Variants in HIVEP3 observed in about 807,000 individuals in gnomAD.
HIVEP3 encodes transcription factor HIVEP3.
A neutral mutation model predicts 152.8 loss-of-function variants in HIVEP3; 49 were observed. That is an observed-to-expected ratio of 0.32 (90% CI 0.26 to 0.41). The LOEUF is 0.41. HIVEP3 is among the 10% of genes least tolerant of loss of function. HIVEP3 has a pLI of 1.00. For synonymous variants in HIVEP3, 1,269 were observed against 1,289.0 expected, an observed-to-expected ratio of 0.98 and a Z score of 0.33; for missense variants, 2,790 against 3,103.3, an observed-to-expected ratio of 0.90 and a Z score of 2.40.
chr1:41,729,229 C>T lies in HIVEP3; in HGVS notation c.-800-28234G>A, dbSNP rs75503241. ...CCAGTGCACAGGGGTGATCAGTAAC[C>T]GGCAGCCCCTTTCCCTGCCTTTCCC... On this transcript the variant is annotated intron_variant, in intron 1 of 8. Coordinates refer to ENST00000372583, the MANE Select transcript of HIVEP3 (RefSeq NM_024503.5). Among the ~76,000 whole-genome samples the T allele has an allele frequency of 3.6e-3, 543 of 152,320 alleles. 4 individuals are homozygous for T. Among genetic ancestry groups the T allele is most frequent in the African/African-American group, 0.012 (515 of 41,572 alleles).
chr1:41,640,525 C>T (rs1453608011), intron 2 of HIVEP3, among the ~76,000 whole-genome samples: 1 of 152,142 alleles, frequency 6.6e-6, no homozygotes, highest in African/African-American at 2.4e-5. Flanking sequence ...TGGGCTAGAC[C>T]CCAGGGTGCA....
intron 1 of HIVEP3, among the ~76,000 whole-genome samples, chr1:41,741,474 C>T (rs904812872): frequency 3.9e-5 from 6 of 152,210 alleles, no homozygotes; most frequent in African/African-American, 9.6e-5. Context: ...ACTAATGGGC[C>T]GTGCCGCTGA....
At chr1:41,639,366 A>G (rs1007226652) in intron 2 of HIVEP3, among the ~76,000 whole-genome samples, 2 of 152,302 alleles carry the variant, frequency 1.3e-5, no homozygotes, top group African/African-American at 2.4e-5. Flanking sequence ...CCTTAACATC[A>G]TCAGAAAGAC....
At chr1:41,955,238 G>C (rs1645133963) in intron 1 of HIVEP3, among the ~76,000 whole-genome samples, 1 of 152,022 alleles carries the variant, frequency 6.6e-6, no homozygotes, top group Admixed American at 6.6e-5. Context: ...GAAATTGCTT[G>C]GTAGACTGGG....
chr1:41,792,108 C>A (rs1649733495), intron 1 of HIVEP3, among the ~76,000 whole-genome samples: 1 of 152,212 alleles, frequency 6.6e-6, no homozygotes, highest in African/African-American at 2.4e-5. Context: ...ATCATTTAGT[C>A]ATCCACCTGT....
chr1:41,753,864 C>G (rs1268822649), intron 1 of HIVEP3, among the ~76,000 whole-genome samples: 1 of 152,122 alleles, frequency 6.6e-6, no homozygotes, highest in Non-Finnish European at 1.5e-5. Flanking sequence ...AACAAAATCT[C>G]TGTCCTCTGG....
intron 1 of HIVEP3, among the ~76,000 whole-genome samples, chr1:41,749,808 G>A (rs948425016): frequency 1.3e-5 from 2 of 152,172 alleles, no homozygotes; most frequent in Non-Finnish European, 2.9e-5. Flanking sequence ...ACGGAGCTCC[G>A]GGGGCACAGG....
intron 2 of HIVEP3, among the ~76,000 whole-genome samples, chr1:41,689,281 G>A (rs1646159763): frequency 6.6e-6 from 1 of 152,120 alleles, no homozygotes; most frequent in East Asian, 1.9e-4. Context: ...CCTTTCACTG[G>A]CCTCCCTCGG....
At chr1:41,597,941 A>G (rs989224008) in intron 3 of HIVEP3, among the ~76,000 whole-genome samples, 1 of 152,226 alleles carries the variant, frequency 6.6e-6, no homozygotes, top group East Asian at 1.9e-4. Flanking sequence ...TATCTAATGT[A>G]ATGTACATAG....
At chr1:41,836,320 G>A (rs1349793812) in intron 1 of HIVEP3, among the ~76,000 whole-genome samples, 1 of 152,186 alleles carries the variant, frequency 6.6e-6, no homozygotes, top group Non-Finnish European at 1.5e-5. Flanking sequence ...AAGAACAAGG[G>A]AGGCATGGCT....
At chr1:41,892,364 G>A (rs1570752375) in intron 1 of HIVEP3, among the ~76,000 whole-genome samples, 1 of 152,158 alleles carries the variant, frequency 6.6e-6, no homozygotes, top group African/African-American at 2.4e-5. Flanking sequence ...TCTTACAAAT[G>A]GGGCTTTGAG....
intron 1 of HIVEP3, among the ~76,000 whole-genome samples, chr1:41,939,240 A>G (rs1471809989): frequency 6.6e-6 from 1 of 152,174 alleles, no homozygotes; most frequent in African/African-American, 2.4e-5. Context: ...CAAGCACCCA[A>G]TTTAAGATCT....
chr1:41,743,039 G>T (rs1647019376), intron 1 of HIVEP3, among the ~76,000 whole-genome samples: 1 of 152,064 alleles, frequency 6.6e-6, no homozygotes, highest in South Asian at 2.1e-4. Context: ...TTTTTCTAAT[G>T]GTGGGCAATA....
intron 1 of HIVEP3, among the ~76,000 whole-genome samples, chr1:41,959,806 C>T (rs1261053065): frequency 6.6e-6 from 1 of 152,154 alleles, no homozygotes; most frequent in Non-Finnish European, 1.5e-5. Flanking sequence ...GATGTGTCCA[C>T]CAAGGAACAC....
intron 2 of HIVEP3, among the ~76,000 whole-genome samples, chr1:41,684,012 G>T (rs570365473): frequency 3.3e-5 from 5 of 152,298 alleles, no homozygotes; most frequent in Non-Finnish European, 7.4e-5. Context: ...GTGGTCCTTT[G>T]TCCTGTCTTC....
rs71819499 is a variant in HIVEP3 at position 41,950,334 on chromosome 1, C to CA, written n.120-31811dup. Among the ~76,000 whole-genome samples, 157 of 150,470 alleles carry CA rather than the reference C, an allele frequency of 1.0e-3. No homozygotes were observed. The East Asian group carries it at 0.016, about 15-fold the overall frequency. On this transcript the variant is annotated intron_variant and non_coding_transcript_variant, in intron 1 of 3. Coordinates refer to the HIVEP3 transcript ENST00000489103. Reference sequence around the variant, plus strand: ...GCAAAACAAAACAAAACAAAACAAACAAAAAAAAACGTGGTACCATGCTCT... The same window carrying CA: ...GCAAAACAAAACAAAACAAAACAAACAAAAAAAAAACGTGGTACCATGCTCT...
At chr1:41,691,917 T>C (rs978843561) in intron 2 of HIVEP3, among the ~76,000 whole-genome samples, 2 of 151,350 alleles carry the variant, frequency 1.3e-5, no homozygotes, top group Non-Finnish European at 2.9e-5. Flanking sequence ...AGTCTCATTG[T>C]ATCTGTAACC....
rs533340395 is a variant in HIVEP3 at position 41,515,313 on chromosome 1, T to A, written c.5471-1563A>T. Among the ~76,000 whole-genome samples the A allele has an allele frequency of 3.3e-4, 51 of 152,290 alleles. 1 individual carries two copies. The highest frequency in any genetic ancestry group is 2.9e-3 in the South Asian group (14 of 4,824). On this transcript the variant is annotated intron_variant, in intron 7 of 8. Coordinates refer to ENST00000372583, the MANE Select transcript of HIVEP3 (RefSeq NM_024503.5). ...GTCAGATGTCCAAAGTGGACAAAAG[T>A]GGGCATTCAGCCGGATGTAGGTCAA...
intron 3 of HIVEP3, among the ~76,000 whole-genome samples, chr1:41,611,517 A>G (rs989990863): frequency 6.6e-6 from 1 of 152,248 alleles, no homozygotes; most frequent in Non-Finnish European, 1.5e-5. Flanking sequence ...AGATGAGGAC[A>G]CAAAGGCACC....
Sources: allele counts gnomAD v4.1 joint callset (sites outside exome capture counted in the v4.1 genomes callset), GRCh38; gene constraint gnomAD v4.1.1; transcripts MANE v1.5; gene names NCBI Gene and HGNC (gene_info 2026-07-23, HGNC 2026-07-21).